The following DENND10 variants were observed in gnomAD, a reference collection of about 807,000 sequenced individuals.
DENND10 encodes the protein DENN domain containing 10, also known as DENN domain-containing protein 10.
A neutral mutation model predicts 43.6 loss-of-function variants in DENND10; 24 were observed. That is an observed-to-expected ratio of 0.55 (90% CI 0.40 to 0.77). The LOEUF (loss-of-function observed/expected upper bound fraction) is 0.77. Ranked by LOEUF, DENND10 falls within the 30% of genes least tolerant of loss-of-function variation. DENND10 has a pLI of 0.00. For synonymous variants in DENND10, 125 were observed against 157.6 expected (o/e 0.79, Z 1.55); for missense variants, 303 against 429.9 (o/e 0.70, Z 2.61).
intron 7 of DENND10, among the ~76,000 whole-genome samples, chr10:119,129,890 T>C (rs1846004892): frequency 6.6e-6 from 1 of 152,260 alleles, no homozygotes; most frequent in South Asian, 2.1e-4. Context: ...AGGTGTATTA[T>C]CTACTGCCAC....
chr10:119,117,200 C>T (rs768269140), intron 3 of DENND10, among the ~76,000 whole-genome samples: 21 of 151,838 alleles, frequency 1.4e-4, no homozygotes, highest in African/African-American at 3.9e-4. Flanking sequence ...GGTGAGACCC[C>T]GACTCTACTA....
At chr10:119,127,377 A>G (rs759511738) in intron 6 of DENND10, among the ~76,000 whole-genome samples, 10 of 152,118 alleles carry the variant, frequency 6.6e-5, no homozygotes, top group Admixed American at 2.0e-4. Context: ...GAGTAATATT[A>G]CTTGTCATCT....
Position 119,117,817 on chromosome 10 carries a change from A to G in DENND10, c.481+150A>G, listed in dbSNP as rs553607462. 4 of 692,510 alleles carry G rather than the reference A, an allele frequency of 5.8e-6. No individual in the cohort carries two copies. In the South Asian group the frequency reaches 8.8e-5, roughly 15 times the overall value. 42.9% of individuals were successfully genotyped at this position (692,510 alleles called of 1,614,324 possible). A position where few individuals can be genotyped will look rare whatever the true frequency, so the allele number is the denominator to read the frequency against. ...CTCGTCTCCACTAAAAATACAAAAA[A>G]TTAGCCGGGCGTGGTGGCACCCGCC... On this transcript the variant is annotated intron_variant, in intron 4 of 8. Coordinates refer to ENST00000361432, the MANE Select transcript of DENND10 (RefSeq NM_207009.4).
intron 2 of DENND10, among the ~76,000 whole-genome samples, chr10:119,110,938 T>G (rs1844944142): frequency 6.6e-6 from 1 of 152,142 alleles, no homozygotes; most frequent in Non-Finnish European, 1.5e-5. Flanking sequence ...TCAAAATAGT[T>G]AGAATAATTT....
At chr10:119,107,681 A>G (rs541384162) in intron 1 of DENND10, among the ~76,000 whole-genome samples, 8 of 152,306 alleles carry the variant, frequency 5.3e-5, no homozygotes, top group Admixed American at 2.0e-4. Context: ...TGGGATTACA[A>G]GCATGAGCCA....
chr10:119,121,986 GC>G (rs961977892), intron 5 of DENND10, among the ~76,000 whole-genome samples: 1 of 152,020 alleles, frequency 6.6e-6, no homozygotes. Flanking sequence ...TCTTGGGAGG[GC>G]AACTTATTAG....
At position 119,108,143 on chromosome 10, in the gene DENND10, A is replaced by G; in HGVS notation, c.231A>G (p.Pro77=). 4 of 1,612,666 alleles carry G rather than the reference A, an allele frequency of 2.5e-6. No individual in the cohort carries two copies. The highest frequency in any genetic ancestry group is 3.4e-6 in the Non-Finnish European group (4 of 1,178,806). ...TWFYITTIEV[P]DSSILKKVTH... ...TTTATATCACAACAATTGAAGTTCC[A>G]GATTCTTCCATTTTGAAAAAGGTAT... Residue 77 remains proline (P), a synonymous_variant, in exon 2 of 9, where the codon CCA becomes CCG. Coordinates refer to ENST00000361432, the MANE Select transcript of DENND10 (RefSeq NM_207009.4).
intron 8 of DENND10, among the ~76,000 whole-genome samples, 190 bp from the exon 9 acceptor site, chr10:119,136,281 C>CT (rs1308578827): frequency 1.1e-4 from 16 of 151,310 alleles, no homozygotes; most frequent in African/African-American, 3.9e-4. Context: ...ACTGCATTCT[C>CT]TAACTCCTGA....
intron 8 of DENND10, chr10:119,135,196 AAAG>A (rs1846268217): frequency 1.3e-5 from 2 of 151,714 alleles, no homozygotes; most frequent in African/African-American, 4.8e-5. Flanking sequence ...AAGAAAAAGA[AAAG>A]AAACGATACT....
rs532953652 is a variant in DENND10 at position 119,123,359 on chromosome 10, G to A, written c.594-110G>A. On this transcript the variant is annotated intron_variant, in intron 5 of 8. Coordinates refer to ENST00000361432, the MANE Select transcript of DENND10 (RefSeq NM_207009.4). ...TTGGTCTCACCTCTGTCCCTGATTA[G>A]CTGTAGACTCTACCCTCTTCATTTC... 69 of 752,258 alleles carry A rather than the reference G, an allele frequency of 9.2e-5. No individual in the cohort carries two copies. In the South Asian group the frequency reaches 9.8e-4, roughly 11 times the overall value. 46.6% of individuals were successfully genotyped at this position (752,258 alleles called of 1,614,324 possible).
chr10:119,125,501 CTTTTTTTTT>C (rs34630434), intron 6 of DENND10, among the ~76,000 whole-genome samples: 16 of 65,850 alleles, frequency 2.4e-4, no homozygotes, highest in African/African-American at 7.5e-4. Flanking sequence ...TTCTAGTTTT[CTTTTTTTTT>C]TTTTTTTTTT....
At chr10:119,123,110 A>G (rs906149847) in intron 5 of DENND10, among the ~76,000 whole-genome samples, 1 of 152,186 alleles carries the variant, frequency 6.6e-6, no homozygotes, top group Non-Finnish European at 1.5e-5. Flanking sequence ...TCTACTAAAA[A>G]TACAAACATT....
chr10:119,126,771 A>AT (rs987500637), intron 6 of DENND10, among the ~76,000 whole-genome samples: 9 of 150,366 alleles, frequency 6.0e-5, no homozygotes, highest in East Asian at 2.0e-4. Flanking sequence ...AGCCGTCTGT[A>AT]TTTTTTTTTA....
chr10:119,111,921 T>C lies in DENND10; in HGVS notation c.325T>C (p.Leu109=). 1 of 1,607,860 alleles carries C rather than the reference T, an allele frequency of 6.2e-7. No homozygotes were observed. Among genetic ancestry groups the C allele is most frequent in the South Asian group, 1.1e-5 (1 of 90,942 alleles). Residue 109 remains leucine (L), a synonymous_variant, in exon 3 of 9, where the codon TTG becomes CTG. Coordinates refer to ENST00000361432, the MANE Select transcript of DENND10 (RefSeq NM_207009.4). ...GAAGTATGCTGCCTTCACTAGGATA[T>C]TGTGTAGGTCTGTATAAAAATTGTA... ...PEKYAAFTRI[L]CRMYLKHGSP...
chr10:119,120,992 T>C (rs1031275078), intron 5 of DENND10, among the ~76,000 whole-genome samples: 1 of 152,266 alleles, frequency 6.6e-6, no homozygotes, highest in Non-Finnish European at 1.5e-5. Context: ...TATTTTCATT[T>C]TTAGTAGAGA....
At chr10:119,104,540 A>C (rs1844590865) in intron 1 of DENND10, among the ~76,000 whole-genome samples, 1 of 148,146 alleles carries the variant, frequency 6.8e-6, no homozygotes, top group Non-Finnish European at 1.5e-5. Flanking sequence ...GGCAGCTGCG[A>C]GGGGCGCTGC....
rs1350925941 is a variant in DENND10 at position 119,104,174 on chromosome 10, T to G, written c.32T>G (p.Leu11Arg). MAAAEVADTQ[L>R]MLGVGLIEKD... ...GCGGCCGAGGTGGCGGACACTCAGC[T>G]GATGCTTGGAGTCGGGCTGATCGGT... The change falls in exon 1 of 9, where the codon CTG (leucine) becomes CGG (arginine). Residue 11 changes from leucine to arginine, a missense_variant. Transcript: ENST00000361432. 2 of 1,524,238 alleles carry G rather than the reference T, an allele frequency of 1.3e-6. No individual in the cohort carries two copies. The highest frequency in any genetic ancestry group is 5.3e-5 in the East Asian group (2 of 37,552). The allele number at this position is 1,524,238 out of a possible 1,614,324, so 94.4% of individuals were successfully genotyped here.
rs371312896 is a variant in DENND10, at chr10:119,125,310, CT to C, written c.694+1751del. 9.2e-3 allele frequency among the ~76,000 whole-genome samples: 1,364 copies of C among 148,084 alleles called. 11 individuals are homozygous for C. The highest frequency in any genetic ancestry group is 0.017 in the Middle Eastern group (5 of 288). On this transcript the variant is annotated intron_variant, in intron 6 of 8. Transcript: ENST00000361432. Reference sequence around the variant, plus strand: ...TCTAGTCTTAAAAGTTTATCAGTGACTTTTTTTTTTCATCTTAACTTTTTAA... The same window carrying C: ...TCTAGTCTTAAAAGTTTATCAGTGACTTTTTTTTTCATCTTAACTTTTTAA...
chr10:119,105,294 C>CT lies in DENND10; in HGVS notation c.55+1111dup, dbSNP rs749653382. The CT allele has an allele frequency of 5.5e-3, 792 of 144,148 alleles. 4 individuals are homozygous for CT. The highest frequency in any genetic ancestry group is 7.5e-3 in the Non-Finnish European group (494 of 65,602). 8.9% of individuals were successfully genotyped at this position (144,148 alleles called of 1,614,324 possible). A position where few individuals can be genotyped will look rare whatever the true frequency, so the allele number is the denominator to read the frequency against. ...CTGTTTTTATTTCTTTGTCTTTCTT[C>CT]TTTTTTTTTTTTTTAGACGGGGTCT... is the stretch of plus-strand genomic sequence containing the variant. On this transcript the variant is annotated intron_variant, in intron 1 of 8. Transcript: ENST00000361432.
Sources: allele counts gnomAD v4.1 joint callset (sites outside exome capture counted in the v4.1 genomes callset), GRCh38; gene constraint gnomAD v4.1.1; transcripts MANE v1.5; gene names NCBI Gene and HGNC (gene_info 2026-07-23, HGNC 2026-07-21).